EPHB1: variants seen among roughly 807,000 people sequenced by gnomAD.
EPHB1 encodes the protein EPH receptor B1, also known as ephrin type-B receptor 1.
EPHB1 carries 30 observed loss-of-function variants against 94.4 expected under a neutral mutation model. That is an observed-to-expected ratio of 0.32 (90% CI 0.24 to 0.43). EPHB1 has a LOEUF of 0.43. EPHB1 is among the 20% of genes least tolerant of loss of function. The pLI, the probability that EPHB1 is intolerant of heterozygous loss-of-function variation, is 1.00. For synonymous variants in EPHB1, 522 were observed against 489.1 expected, an observed-to-expected ratio of 1.07 and a Z score of -0.89; for missense variants, 1,055 against 1,308.3, an observed-to-expected ratio of 0.81 and a Z score of 2.99.
intron 5 of EPHB1, 143 bp from the exon 6 acceptor site, chr3:135,154,009 C>T: frequency 8.9e-7 from 1 of 1,126,102 alleles, no homozygotes; most frequent in Non-Finnish European, 1.3e-6. Context: ...ACAGGAAGTT[C>T]TGCAGGTCCA....
intron 1 of EPHB1, among the ~76,000 whole-genome samples, chr3:134,912,843 T>C (rs1553865184): frequency 1.3e-5 from 2 of 152,172 alleles, no homozygotes; most frequent in Non-Finnish European, 2.9e-5. Flanking sequence ...GTTTTCTTCT[T>C]GGTTATCTGG....
intron 3 of EPHB1, among the ~76,000 whole-genome samples, chr3:134,968,228 T>C (rs958252560): frequency 6.6e-6 from 1 of 152,220 alleles, no homozygotes; most frequent in East Asian, 1.9e-4. Flanking sequence ...TCTGCATGTG[T>C]AGAGCTGAGC....
At chr3:135,174,929 A>G (rs1941932116) in intron 9 of EPHB1, among the ~76,000 whole-genome samples, 2 of 152,214 alleles carry the variant, frequency 1.3e-5, no homozygotes, top group Admixed American at 1.3e-4. Flanking sequence ...ATACTGTGGA[A>G]TTCTAGGCAT....
At chr3:135,166,683 C>T (rs945486368) in intron 8 of EPHB1, among the ~76,000 whole-genome samples, 8 of 152,246 alleles carry the variant, frequency 5.3e-5, no homozygotes, top group African/African-American at 1.9e-4. Flanking sequence ...TCAGCACTGC[C>T]CTCTGAATGG....
At chr3:135,052,999 GTGTGTGTATATATA>G (rs1355635235) in intron 3 of EPHB1, among the ~76,000 whole-genome samples, 11 of 88,862 alleles carry the variant, frequency 1.2e-4, no homozygotes, top group African/African-American at 4.3e-4. Context: ...GTATATATAT[GTGTGTGTATATATA>G]TGTGTGTGTG....
At position 135,255,176 on chromosome 3, in the gene EPHB1, T is replaced by C. The variant is rs540136533; in HGVS notation, c.2847-3836T>C. Among the ~76,000 whole-genome samples, 8 of 152,184 alleles carry C rather than the reference T, an allele frequency of 5.3e-5. No homozygotes were observed. The East Asian group carries it at 9.7e-4, about 18-fold the overall frequency. ...TTCAAAAAACCAGCTCCTGGATTCA[T>C]TAATTTTTTGAAGGGTTTTTTATGT... is the stretch of plus-strand genomic sequence containing the variant. On this transcript the variant is annotated intron_variant, in intron 15 of 15. Transcript: ENST00000398015.
intron 1 of EPHB1, among the ~76,000 whole-genome samples, chr3:134,861,619 G>A (rs1021529505): frequency 6.6e-6 from 1 of 152,192 alleles, no homozygotes; most frequent in African/African-American, 2.4e-5. Context: ...CGGGGAGAGT[G>A]TGAGGGACTG....
intron 3 of EPHB1, among the ~76,000 whole-genome samples, chr3:134,963,031 G>A (rs1933583519): frequency 6.6e-6 from 1 of 151,916 alleles, no homozygotes; most frequent in Non-Finnish European, 1.5e-5. Flanking sequence ...CCTGCTCTGT[G>A]GCAGCTCTTT....
chr3:135,156,059 G>A (rs997525034), intron 6 of EPHB1, among the ~76,000 whole-genome samples: 3 of 151,990 alleles, frequency 2.0e-5, no homozygotes, highest in Non-Finnish European at 4.4e-5. Flanking sequence ...GTTGGATTTC[G>A]GGCATGGGAA....
intron 3 of EPHB1, among the ~76,000 whole-genome samples, chr3:134,958,450 G>A (rs1663150769): frequency 6.7e-6 from 1 of 148,916 alleles, no homozygotes; most frequent in East Asian, 1.9e-4. Flanking sequence ...GTGTGTGTGT[G>A]AGGCCTCAGT....
intron 3 of EPHB1, among the ~76,000 whole-genome samples, chr3:135,085,744 G>A (rs1264376434): frequency 6.6e-6 from 1 of 152,168 alleles, no homozygotes; most frequent in Non-Finnish European, 1.5e-5. Flanking sequence ...TCTTTCCCAG[G>A]TGACTGGCAT....
chr3:135,167,598 G>A (rs541938510), intron 9 of EPHB1, among the ~76,000 whole-genome samples: 8 of 152,088 alleles, frequency 5.3e-5, no homozygotes, highest in Non-Finnish European at 1.2e-4. Context: ...TCACCAAGGT[G>A]CAACATAAAG....
intron 10 of EPHB1, among the ~76,000 whole-genome samples, chr3:135,190,195 C>T (rs1942420740): frequency 6.6e-6 from 1 of 152,204 alleles, no homozygotes; most frequent in Non-Finnish European, 1.5e-5. Flanking sequence ...TAATACCTAC[C>T]TCACAGGAGT....
At chr3:135,093,372 C>T (rs1208909009) in intron 3 of EPHB1, among the ~76,000 whole-genome samples, 1 of 152,162 alleles carries the variant, frequency 6.6e-6, no homozygotes, top group Non-Finnish European at 1.5e-5. Context: ...CTTCTTGCCA[C>T]ACCACTCACA....
intron 1 of EPHB1, among the ~76,000 whole-genome samples, chr3:134,819,120 A>G (rs1488261589): frequency 6.6e-6 from 1 of 152,228 alleles, no homozygotes; most frequent in African/African-American, 2.4e-5. Context: ...AGACAAGATA[A>G]TGTTTTGGCA....
intron 1 of EPHB1, among the ~76,000 whole-genome samples, chr3:134,830,194 C>T (rs1304143100): frequency 1.3e-5 from 2 of 152,172 alleles, no homozygotes; most frequent in African/African-American, 2.4e-5. Context: ...TTTTCAGAAT[C>T]GATTGACAAT....
chr3:134,819,633 T>C (rs185309390), intron 1 of EPHB1, among the ~76,000 whole-genome samples: 19 of 152,272 alleles, frequency 1.2e-4, no homozygotes, highest in Admixed American at 1.1e-3. Flanking sequence ...AATGCAGCAG[T>C]GTGGGGTTCT....
intron 1 of EPHB1, among the ~76,000 whole-genome samples, chr3:134,910,282 G>C (rs958829045): frequency 6.6e-6 from 1 of 152,170 alleles, no homozygotes; most frequent in Non-Finnish European, 1.5e-5. Context: ...GCTCACAGCA[G>C]AGTAGGAGGG....
In EPHB1 at chr3:134,987,021, C is replaced by T. The variant is rs747266087; in HGVS notation, c.805+34969C>T. 1.2e-4 allele frequency among the ~76,000 whole-genome samples: 18 copies of T among 152,244 alleles called. 1 individual carries two copies. The Middle Eastern group carries it at 0.017, about 145-fold the overall frequency. On this transcript the variant is annotated intron_variant, in intron 3 of 15. Transcript: ENST00000398015. ...CTGAATTTATTAATAGAATGAAGGG[C>T]ATCCCTTTCTTACCTTACACAACCC...
Sources: allele counts gnomAD v4.1 joint callset (sites outside exome capture counted in the v4.1 genomes callset), GRCh38; gene constraint gnomAD v4.1.1; transcripts MANE v1.5; gene names NCBI Gene and HGNC (gene_info 2026-07-23, HGNC 2026-07-21).